WSCD2: variants seen among roughly 807,000 people sequenced by gnomAD.
WSCD2 encodes WSC domain sialate O sulfotransferase 2, also known as sialate:O-sulfotransferase 2.
In WSCD2, 28 loss-of-function variants were observed where a neutral mutation model predicts 55.7. The ratio of observed to expected loss-of-function variants is 0.50; its 90% CI spans 0.37 to 0.69. The LOEUF (loss-of-function observed/expected upper bound fraction) is 0.69. WSCD2 is among the 30% of genes least tolerant of loss of function. The probability of loss-of-function intolerance (pLI) is 0.00; values close to 1 mark genes in which losing one functional copy is unlikely to be tolerated. For synonymous variants in WSCD2, 301 were observed against 301.9 expected (o/e 1.00, Z 0.03); for missense variants, 616 against 762.1 (o/e 0.81, Z 2.26).
chr12:108,131,668 A>G (rs11113754), intron 1 of WSCD2: 34,593 of 152,146 alleles, frequency 0.23, 4,120 homozygotes, highest in African/African-American at 0.28. Flanking sequence ...CTGTCCCACC[A>G]AGCACCAGGT....
chr12:108,226,652 T>G (rs1025241780), intron 5 of WSCD2, among the ~76,000 whole-genome samples: 1 of 152,176 alleles, frequency 6.6e-6, no homozygotes, highest in African/African-American at 2.4e-5. Context: ...CTTGTTTTGT[T>G]TCTATATTAT....
intron 1 of WSCD2, among the ~76,000 whole-genome samples, chr12:108,184,520 G>A (rs1046461625): frequency 8.5e-5 from 13 of 152,154 alleles, no homozygotes; most frequent in African/African-American, 2.9e-4. Context: ...TCGTGTTTGC[G>A]GCTGGGAGCA....
At chr12:108,234,776 A>G (rs1046652041) in intron 7 of WSCD2, among the ~76,000 whole-genome samples, 5 of 152,194 alleles carry the variant, frequency 3.3e-5, no homozygotes, top group African/African-American at 1.2e-4. Flanking sequence ...AACCCTACTC[A>G]TGCAATCCCA....
rs1191779666 is a variant in WSCD2, at chr12:108,206,320, C to T, written c.414C>T (p.Thr138=). 6.2e-7 allele frequency: 1 copy of T among 1,614,086 alleles called. No homozygotes were observed. The change falls in exon 3 of 9, where the codon ACC becomes ACT. Residue 138 remains threonine, a synonymous_variant. Transcript: ENST00000547525. ...ACATCGGCTGCTACCTGGATGACAC[C>T]CAGAGTCGGGCCCTTCGAGGAGTGT... ...AKYIGCYLDD[T]QSRALRGVSF... is the part of the protein sequence containing the mutation.
chr12:108,158,827 T>C (rs566530018), intron 1 of WSCD2, among the ~76,000 whole-genome samples: 4 of 152,172 alleles, frequency 2.6e-5, no homozygotes, highest in Non-Finnish European at 5.9e-5. Flanking sequence ...GCACCTCCTA[T>C]GTGCCAGGCA....
intron 1 of WSCD2, among the ~76,000 whole-genome samples, chr12:108,136,090 G>A (rs552121230): frequency 9.2e-5 from 14 of 152,198 alleles, no homozygotes; most frequent in Non-Finnish European, 1.8e-4. Context: ...GGTGACATAT[G>A]GGGTTTGCAT....
chr12:108,148,142 G>GATTGTA (rs1473014205), intron 1 of WSCD2, among the ~76,000 whole-genome samples: 7 of 152,192 alleles, frequency 4.6e-5, no homozygotes, highest in Non-Finnish European at 8.8e-5. Flanking sequence ...GTGTGGCGTG[G>GATTGTA]GGCCGACCTG....
At chr12:108,215,333 C>G (rs2137122899) in intron 4 of WSCD2, among the ~76,000 whole-genome samples, 1 of 152,368 alleles carries the variant, frequency 6.6e-6, no homozygotes, top group East Asian at 1.9e-4. Context: ...GGCCAAGCCA[C>G]TCGTTCTTTC....
chr12:108,218,228 G>C (rs1887075399), intron 4 of WSCD2, among the ~76,000 whole-genome samples: 1 of 152,238 alleles, frequency 6.6e-6, no homozygotes, highest in Admixed American at 6.5e-5. Flanking sequence ...ACAAAGAAGG[G>C]CAGAGGTGCC....
In WSCD2 at chr12:108,222,346, G is replaced by A. The variant is rs140929779; in HGVS notation, c.683-2393G>A. On this transcript the variant is annotated intron_variant, in intron 4 of 8. Coordinates refer to ENST00000547525, the MANE Select transcript of WSCD2 (RefSeq NM_014653.4). ...AACGATGGGTCCTTAGATTTGTCTT[G>A]CAACCTCTTCTCTCGAAGCCCTGTT... Among the ~76,000 whole-genome samples the A allele has an allele frequency of 2.5e-3, 376 of 152,276 alleles. 1 individual carries two copies. Among genetic ancestry groups the A allele is most frequent in the African/African-American group, 8.7e-3 (361 of 41,536 alleles).
At chr12:108,215,121 C>A in intron 4 of WSCD2, among the ~76,000 whole-genome samples, 1 of 152,188 alleles carries the variant, frequency 6.6e-6, no homozygotes, top group East Asian at 1.9e-4. Flanking sequence ...ATATGGGACC[C>A]CATGAGCTCT....
chr12:108,182,461 C>T (rs983477114), intron 1 of WSCD2, among the ~76,000 whole-genome samples: 2 of 152,220 alleles, frequency 1.3e-5, no homozygotes, highest in African/African-American at 4.8e-5. Flanking sequence ...CTATCTGAGA[C>T]AGGTCTCAAT....
chr12:108,163,197 G>A (rs925314171), intron 1 of WSCD2, among the ~76,000 whole-genome samples: 2 of 151,786 alleles, frequency 1.3e-5, no homozygotes, highest in African/African-American at 4.8e-5. Flanking sequence ...GTGAAATCCC[G>A]TCTCTACTAA....
Position 108,210,390 on chromosome 12 carries a change from G to A in WSCD2, c.682+85G>A. 1 of 1,472,734 alleles carries A rather than the reference G, an allele frequency of 6.8e-7. No individual in the cohort carries two copies. Among genetic ancestry groups the A allele is most frequent in the Admixed American group, 2.1e-5 (1 of 47,294 alleles). The allele number at this position is 1,472,734 out of a possible 1,614,324, so 91.2% of individuals were successfully genotyped here. ...CCAAAGAGTCCCACATGTCTGCCCT[G>A]TACCCTCCATGGCTCCCCATCACTC... On this transcript the variant is annotated intron_variant, in intron 4 of 8. Coordinates refer to ENST00000547525, the MANE Select transcript of WSCD2 (RefSeq NM_014653.4). This position sits in a 1 kb window ranked among gnomAD's most constrained non-coding sequence, Gnocchi z 4.3.
intron 4 of WSCD2, among the ~76,000 whole-genome samples, chr12:108,218,760 C>T (rs764887789): frequency 1.2e-4 from 18 of 152,160 alleles, no homozygotes; most frequent in East Asian, 3.9e-4. Context: ...CACTCCCATA[C>T]GGAGATGACT....
intron 1 of WSCD2, among the ~76,000 whole-genome samples, chr12:108,184,132 C>A (rs1426609048): frequency 6.6e-6 from 1 of 152,196 alleles, no homozygotes; most frequent in Non-Finnish European, 1.5e-5. Flanking sequence ...GGAAGCTGAC[C>A]TGGAGGTTAT....
chr12:108,162,359 C>T (rs980874658), intron 1 of WSCD2, among the ~76,000 whole-genome samples: 2 of 152,130 alleles, frequency 1.3e-5, no homozygotes, highest in Admixed American at 6.5e-5. Flanking sequence ...AATAATCAAA[C>T]ACATATGCCT....
chr12:108,148,718 T>C (rs1877657785), intron 1 of WSCD2, among the ~76,000 whole-genome samples: 2 of 152,278 alleles, frequency 1.3e-5, no homozygotes, highest in African/African-American at 4.8e-5. Context: ...AAGCGTTAGA[T>C]GATGTCATAC....
intron 4 of WSCD2, among the ~76,000 whole-genome samples, chr12:108,212,618 C>CAG (rs1555235827): frequency 2.4e-4 from 36 of 149,712 alleles, no homozygotes; most frequent in East Asian, 1.2e-3. Flanking sequence ...CTCTCTCACA[C>CAG]ACACACACAC....
Sources: allele counts gnomAD v4.1 joint callset (sites outside exome capture counted in the v4.1 genomes callset), GRCh38; gene constraint gnomAD v4.1.1; non-coding constraint Gnocchi (gnomAD v3.1); transcripts MANE v1.5; gene names NCBI Gene and HGNC (gene_info 2026-07-23, HGNC 2026-07-21).